The following PRDM16 variants were observed in gnomAD, a reference collection of about 807,000 sequenced individuals.
The protein encoded by PRDM16 is PR/SET domain 16, also known as histone-lysine N-methyltransferase PRDM16.
PRDM16 carries 23 observed loss-of-function variants against 110.6 expected under a neutral mutation model. The ratio of observed to expected loss-of-function variants is 0.21; its 90% confidence interval spans 0.15 to 0.29. PRDM16 has a LOEUF of 0.29. Among genes scored for constraint, PRDM16 ranks in the 10% least tolerant of loss-of-function variants. PRDM16 has a pLI of 1.00. For synonymous variants in PRDM16, 799 were observed against 781.8 expected (o/e 1.02, Z -0.37); for missense variants, 1,615 against 1,794.3 (o/e 0.90, Z 1.81).
chr1:3,110,679 T>G (rs1181266851), intron 1 of PRDM16, among the ~76,000 whole-genome samples: 1 of 152,228 alleles, frequency 6.6e-6, no homozygotes, highest in East Asian at 1.9e-4. Context: ...GAGAATGTAT[T>G]TCTGTTAGGA....
intron 2 of PRDM16, among the ~76,000 whole-genome samples, chr1:3,189,497 C>A (rs535312923): frequency 6.6e-6 from 1 of 152,358 alleles, no homozygotes; most frequent in South Asian, 2.1e-4. Flanking sequence ...ACAACCCATG[C>A]GTGCGTGTCG....
At chr1:3,101,959 C>T (rs1481717963) in intron 1 of PRDM16, among the ~76,000 whole-genome samples, 1 of 152,188 alleles carries the variant, frequency 6.6e-6, no homozygotes, top group Non-Finnish European at 1.5e-5. Flanking sequence ...AGCACAGCCC[C>T]TCCAAGGAAG....
intron 3 of PRDM16, among the ~76,000 whole-genome samples, chr1:3,288,854 G>C (rs980853917): frequency 2.0e-4 from 31 of 152,152 alleles, no homozygotes; most frequent in African/African-American, 6.8e-4. Context: ...TGCCCCTTCT[G>C]GGGGAGGAAG....
intron 1 of PRDM16, among the ~76,000 whole-genome samples, chr1:3,077,997 C>T (rs981195535): frequency 6.6e-6 from 1 of 152,032 alleles, no homozygotes; most frequent in African/African-American, 2.4e-5. Flanking sequence ...GGATGCCTCC[C>T]CTACTGCCTC....
At chr1:3,102,314 T>TC (rs1240122730) in intron 1 of PRDM16, among the ~76,000 whole-genome samples, 7 of 152,274 alleles carry the variant, frequency 4.6e-5, no homozygotes, top group Admixed American at 4.6e-4. Context: ...CCCTCTGGTT[T>TC]CCCTGGGGCT....
chr1:3,414,726 G>A lies in PRDM16; in HGVS notation c.2691+79G>A, dbSNP rs1197882201. 1.8e-5 allele frequency: 20 copies of A among 1,137,580 alleles called. No homozygotes were observed. In the South Asian group the frequency reaches 2.0e-4, roughly 12 times the overall value. 70.5% of individuals were successfully genotyped at this position (1,137,580 alleles called of 1,614,324 possible). On this transcript the variant is annotated intron_variant, in intron 10 of 16. Transcript: ENST00000270722. ...ATCTCCCGGCTGTCGAGGCTCAGTG[G>A]CCAGGCTGGAGCCTAAGTCCCCGTC...
chr1:3,428,384 C>A (rs914733074), intron 14 of PRDM16, among the ~76,000 whole-genome samples: 1 of 152,178 alleles, frequency 6.6e-6, no homozygotes, highest in Non-Finnish European at 1.5e-5. Flanking sequence ...GGGCCTCCCC[C>A]TCGCCTATGG....
intron 4 of PRDM16, 137 bp from the exon 5 acceptor site, chr1:3,396,353 AC>A (rs1643386232): frequency 1.4e-6 from 1 of 707,304 alleles, no homozygotes; most frequent in African/African-American, 1.8e-5. Flanking sequence ...TCCATAGTGG[AC>A]CCTCTTGGTG....
At chr1:3,194,003 A>T (rs1417230275) in intron 2 of PRDM16, among the ~76,000 whole-genome samples, 2 of 152,210 alleles carry the variant, frequency 1.3e-5, no homozygotes, top group Non-Finnish European at 1.5e-5. Flanking sequence ...GGCATCAGGC[A>T]TGTGAAAGCT....
intron 2 of PRDM16, among the ~76,000 whole-genome samples, chr1:3,215,424 T>TCCAGGAGAACAGGGCCTCCAGGAGGGTC (rs1557534839): frequency 0.022 from 1,786 of 81,942 alleles, 70 homozygotes; most frequent in African/African-American, 0.17. Context: ...AGGCAAGGCC[T>TCCAGGAGAACAGGGCCTCCAGGAGGGTC]ATTGGGGTCC....
At chr1:3,384,765 G>A (rs904604681) in intron 3 of PRDM16, among the ~76,000 whole-genome samples, 3 of 152,222 alleles carry the variant, frequency 2.0e-5, no homozygotes, top group Non-Finnish European at 2.9e-5. Context: ...CTAGCGCAGC[G>A]TCCCAGCTCC....
chr1:3,278,170 C>T (rs1048066188), intron 3 of PRDM16, among the ~76,000 whole-genome samples: 1 of 152,216 alleles, frequency 6.6e-6, no homozygotes, highest in Non-Finnish European at 1.5e-5. Flanking sequence ...CTGGCCTTAC[C>T]GTCCTCGCCT....
rs908076653 is a variant in PRDM16 at position 3,436,551 on chromosome 1, C to T, written c.*2740C>T. 4.3e-6 allele frequency: 1 copy of T among 231,888 alleles called. No individual in the cohort carries two copies. Among genetic ancestry groups the T allele is most frequent in the Non-Finnish European group, 8.5e-6 (1 of 117,260 alleles). 14.4% of individuals were successfully genotyped at this position (231,888 alleles called of 1,614,324 possible). On this transcript the variant is annotated 3_prime_UTR_variant, in exon 17 of 17. Coordinates refer to ENST00000270722, the MANE Select transcript of PRDM16 (RefSeq NM_022114.4). ...CTGTTCTTAGAGCCCCTGACAAAGG[C>T]AGCACTTATTTCCTGGGCTGGTGCG...
chr1:3,146,841 G>A (rs560375057), intron 1 of PRDM16, among the ~76,000 whole-genome samples: 4 of 131,920 alleles, frequency 3.0e-5, no homozygotes, highest in Admixed American at 7.8e-5. Context: ...GTGTGCACAC[G>A]TGTGTGCTCA....
intron 3 of PRDM16, among the ~76,000 whole-genome samples, chr1:3,276,545 T>G (rs1248835795): frequency 1.3e-5 from 2 of 152,232 alleles, no homozygotes; most frequent in Non-Finnish European, 1.5e-5. Flanking sequence ...CCCACGGCCC[T>G]AACTCCGCCG....
intron 8 of PRDM16, among the ~76,000 whole-genome samples, chr1:3,408,791 G>A (rs1021216577): frequency 5.7e-4 from 63 of 110,270 alleles, no homozygotes; most frequent in African/African-American, 2.4e-3. Flanking sequence ...CGCGTGAGCC[G>A]GTGCGTGTGT....
chr1:3,333,113 C>T (rs1044661265), intron 3 of PRDM16, among the ~76,000 whole-genome samples: 1 of 152,160 alleles, frequency 6.6e-6, no homozygotes, highest in Non-Finnish European at 1.5e-5. Flanking sequence ...CGTGGGATTG[C>T]AGGTCACACG....
At chr1:3,248,634 G>A (rs773747905) in intron 3 of PRDM16, among the ~76,000 whole-genome samples, 2 of 152,230 alleles carry the variant, frequency 1.3e-5, no homozygotes, top group Non-Finnish European at 2.9e-5. Flanking sequence ...CGCCGGAAGA[G>A]GGGCCGGTGA....
rs1447093732 is a variant in PRDM16 at position 3,359,389 on chromosome 1, G to A, written c.439-25763G>A. 6.6e-6 allele frequency among the ~76,000 whole-genome samples: 1 copy of A among 152,194 alleles called. No homozygotes were observed. The highest frequency in any genetic ancestry group is 1.5e-5 in the Non-Finnish European group (1 of 68,040). Reference sequence around the variant, plus strand: ...GGTCTCCCTTCCGACCAGGGCCTGAGGCAGAGCTTCCAGAGACCCTGCACA... The same window carrying A: ...GGTCTCCCTTCCGACCAGGGCCTGAAGCAGAGCTTCCAGAGACCCTGCACA... On this transcript the variant is annotated intron_variant, in intron 3 of 16. Transcript: ENST00000270722. The surrounding 1 kb of genome is among the most constrained non-coding windows in gnomAD (Gnocchi z 4.3).
Sources: gnomAD v4.1 joint callset for allele counts (sites outside exome capture counted in the v4.1 genomes callset) on GRCh38, gnomAD v4.1.1 for gene constraint, Gnocchi (gnomAD v3.1) non-coding constraint, MANE v1.5 for transcripts, NCBI Gene and HGNC (gene_info 2026-07-23, HGNC 2026-07-21) for gene names.